Variants in GFAP observed in about 807,000 individuals in gnomAD.
GFAP encodes glial fibrillary acidic protein, also known as intermediate filament protein.
In GFAP, 38 loss-of-function variants were observed where a neutral mutation model predicts 49.3. The observed-to-expected ratio is 0.77, with a 90% CI of 0.60 to 1.01. The LOEUF (loss-of-function observed/expected upper bound fraction) is 1.01, where lower values mean the gene tolerates loss of function less well. GFAP is among the 50% of genes least tolerant of loss of function. GFAP has a pLI of 0.00. For synonymous variants in GFAP, 222 were observed against 236.4 expected, an observed-to-expected ratio of 0.94 and a Z score of 0.56; for missense variants, 463 against 579.1, an observed-to-expected ratio of 0.80 and a Z score of 2.06.
intron 4 of GFAP, among the ~76,000 whole-genome samples, 168 bp from the exon 5 acceptor site, chr17:44,911,965 G>A (rs2051783033): frequency 6.6e-6 from 1 of 152,178 alleles, no homozygotes; most frequent in South Asian, 2.1e-4. Context: ...CGGGCTGCCA[G>A]ACCTCAGCAC....
In GFAP at chr17:44,915,422, A is replaced by G; in HGVS notation, c.65T>C (p.Val22Ala). Reference protein sequence around the residue: ...RSYVSSGEMMVGGLAPGRRLG... With the variant: ...RSYVSSGEMMAGGLAPGRRLG... ...ACGGCGGCCAGGAGCCAGGCCCCCC[A>G]CCATCATCTCCCCTGAGGAGACGTA... is the stretch of plus-strand genomic sequence containing the variant. The change falls in exon 1 of 9, where the codon GTG becomes GCG. Residue 22 changes from valine to alanine, a missense_variant. By Grantham distance (64) the Val-to-Ala change is moderately conservative. This residue lies in a region of GFAP where 89 missense variants were observed against 87.5 expected (regional missense o/e 1.02). Transcript: ENST00000588735. This position sits in a 1 kb window ranked among gnomAD's most constrained non-coding sequence, Gnocchi z 4.1. 1 of 1,607,728 alleles carries G rather than the reference A, an allele frequency of 6.2e-7. No individual in the cohort carries two copies. Among genetic ancestry groups the G allele is most frequent in the Non-Finnish European group, 8.5e-7 (1 of 1,176,856 alleles).
At position 44,915,005 on chromosome 17, in the gene GFAP, C is replaced by A; in HGVS notation, c.461+21G>T. 6.3e-7 allele frequency: 1 copy of A among 1,596,030 alleles called. No individual in the cohort carries two copies. Among genetic ancestry groups the A allele is most frequent in the Non-Finnish European group, 8.5e-7 (1 of 1,171,142 alleles). On this transcript the variant is annotated intron_variant, in intron 1 of 8. Transcript: ENST00000588735. The surrounding 1 kb of genome is among the most constrained non-coding windows in gnomAD (Gnocchi z 4.1). ...CAGCCCCTTCTGCTCACAAGGCCCC[C>A]CTTCCCCATCCCCTCCTCACTTCTG...
chr17:44,911,645 TC>T (rs755168851), intron 5 of GFAP, 26 bp downstream of exon 5: 6 of 1,608,786 alleles, frequency 3.7e-6, no homozygotes, highest in East Asian at 2.2e-5. Context: ...GCTCCGCCCG[TC>T]CCCGTCCTGC....
Position 44,913,747 on chromosome 17 carries a change from A to G in GFAP, c.599T>C (p.Leu200Ser), listed in dbSNP as rs749666056. 1.1e-5 allele frequency: 17 copies of G among 1,613,722 alleles called. No homozygotes were observed. Among genetic ancestry groups the G allele is most frequent in the Admixed American group, 6.7e-5 (4 of 60,008 alleles). Reference protein sequence around the residue: ...IESLEEEIRFLRKIHEEEVRE... With the variant: ...IESLEEEIRFSRKIHEEEVRE... Reference sequence around the variant, plus strand: ...CCTCACCTCCTCGTGGATCTTCCTCAAGAACCGGATCTCCTCCTCCAGCGA... The same window carrying G: ...CCTCACCTCCTCGTGGATCTTCCTCGAGAACCGGATCTCCTCCTCCAGCGA... Residue 200 changes from leucine (L) to serine (S), a missense_variant, in exon 3 of 9, where the codon TTG becomes TCG. Leu to Ser is a moderately radical substitution (Grantham distance 145). Transcript: ENST00000588735.
Position 44,904,162 on chromosome 17 carries a change from G to C in GFAP, c.*3185C>G, listed in dbSNP as rs751230048. On this transcript the variant is annotated 3_prime_UTR_variant, in exon 9 of 9. Transcript: ENST00000588735. ...TCAGCATCCGCATGTTCAGCTTGTT[G>C]GTTTTCAGGGCTCAGTCTGAGGACT... 19 of 1,550,230 alleles carry C rather than the reference G, an allele frequency of 1.2e-5. No individual in the cohort carries two copies.
intron 6 of GFAP, 78 bp from the exon 7 acceptor site, chr17:44,910,736 T>G (rs1342318043): frequency 6.5e-7 from 1 of 1,544,196 alleles, no homozygotes; most frequent in South Asian, 1.2e-5. Context: ...GGGGCCATCA[T>G]GACAACTTGA....
intron 6 of GFAP, 91 bp from the exon 7 acceptor site, chr17:44,910,749 G>A (rs140663740): frequency 4.1e-5 from 63 of 1,528,938 alleles, no homozygotes; most frequent in Middle Eastern, 2.2e-4. Flanking sequence ...CAACTTGAAC[G>A]CCCTTTTCCT....
At position 44,903,595 on chromosome 17, in the gene GFAP, CT is replaced by C. The variant is rs1423379939; in HGVS notation, c.*3751del. 1.3e-5 allele frequency: 18 copies of C among 1,404,308 alleles called. No homozygotes were observed. The highest frequency in any genetic ancestry group is 2.6e-4 in the Middle Eastern group (1 of 3,816). The allele number at this position is 1,404,308 out of a possible 1,614,324, so 87.0% of individuals were successfully genotyped here. A position where few individuals can be genotyped will look rare whatever the true frequency, so the allele number is the denominator to read the frequency against. ...GAGTAAAGGCCAGGTTCTAGAATGG[CT>C]TTCCCCCCCCACCCTGAGATCAGGT... is the stretch of plus-strand genomic sequence containing the variant. On this transcript the variant is annotated 3_prime_UTR_variant, in exon 9 of 9. Coordinates refer to ENST00000588735, the MANE Select transcript of GFAP (RefSeq NM_002055.5).
In GFAP at chr17:44,906,460, C is replaced by G. The variant is rs2051653975; in HGVS notation, c.*887G>C. On this transcript the variant is annotated 3_prime_UTR_variant, in exon 9 of 9. Coordinates refer to ENST00000588735, the MANE Select transcript of GFAP (RefSeq NM_002055.5). The stretch of plus-strand genomic sequence containing the variant: ...CACAGCTGGGGGCCAGGCAGCCCCC[C>G]TCTATCCCTCCCAGCACCTCATCCC... 1 of 152,670 alleles carries G rather than the reference C, an allele frequency of 6.6e-6. No individual in the cohort carries two copies. Among genetic ancestry groups the G allele is most frequent in the South Asian group, 2.1e-4 (1 of 4,836 alleles). 9.5% of individuals were successfully genotyped at this position (152,670 alleles called of 1,614,324 possible). A position where few individuals can be genotyped will look rare whatever the true frequency, so the allele number is the denominator to read the frequency against.
At position 44,904,104 on chromosome 17, in the gene GFAP, A is replaced by C; in HGVS notation, c.*3243T>G. 4 of 1,550,624 alleles carry C rather than the reference A, an allele frequency of 2.6e-6. No homozygotes were observed. Among genetic ancestry groups the C allele is most frequent in the Non-Finnish European group, 3.5e-6 (4 of 1,146,988 alleles). On this transcript the variant is annotated 3_prime_UTR_variant, in exon 9 of 9. Transcript: ENST00000588735. ...GGGCGGGTGCTGACGGAGGCAGCCC[A>C]GGTACGTGTGGGCAGCGACATGCTG...
In GFAP at chr17:44,910,732, A is replaced by G. The variant is rs2051743966; in HGVS notation, c.1128-74T>C. The G allele has an allele frequency of 8.4e-6, 13 of 1,547,112 alleles. 1 individual carries two copies. The South Asian group carries it at 1.6e-4, about 19-fold the overall frequency. On this transcript the variant is annotated intron_variant, in intron 6 of 8. Transcript: ENST00000588735. The stretch of plus-strand genomic sequence containing the variant: ...CTAGGCTGGGTCTTGGTGCGGGGCC[A>G]TCATGACAACTTGAACGCCCTTTTC...
Position 44,911,738 on chromosome 17 carries a change from G to C in GFAP, c.840C>G (p.His280Gln). ...RNAELLRQAK[H>Q]EANDYRRQLQ... Reference sequence around the variant, plus strand: ...ACTGGCGCCGGTAGTCGTTGGCTTCGTGCTTGGCCTGGCGGAGCAGCTCCG... The same window carrying C: ...ACTGGCGCCGGTAGTCGTTGGCTTCCTGCTTGGCCTGGCGGAGCAGCTCCG... Residue 280 changes from histidine (H) to glutamine (Q), a missense_variant, in exon 5 of 9, where the codon CAC becomes CAG. Around this residue, in one of 3 missense-constraint regions of GFAP, gnomAD observed 362 missense variants for 445.5 expected, o/e 0.81. Transcript: ENST00000588735. The C allele has an allele frequency of 6.2e-7, 1 of 1,614,014 alleles. No individual in the cohort carries two copies. Among genetic ancestry groups the C allele is most frequent in the Non-Finnish European group, 8.5e-7 (1 of 1,180,006 alleles).
In GFAP at chr17:44,904,840, G is replaced by T. The variant is rs369506071; in HGVS notation, c.*2507C>A. 2.7e-4 allele frequency: 421 copies of T among 1,550,634 alleles called. 4 individuals are homozygous for T. The South Asian group carries it at 4.7e-3, about 17-fold the overall frequency. On this transcript the variant is annotated 3_prime_UTR_variant, in exon 9 of 9. Coordinates refer to ENST00000588735, the MANE Select transcript of GFAP (RefSeq NM_002055.5). ...AGCTCCACATCCGCTTCACCCAGCTGGATGACCGGGGCATCTACTATTGCT... is the reference window on the plus strand; with the variant it reads ...AGCTCCACATCCGCTTCACCCAGCTTGATGACCGGGGCATCTACTATTGCT...
At position 44,915,174 on chromosome 17, in the gene GFAP, G is replaced by A. The variant is rs139838162; in HGVS notation, c.313C>T (p.Arg105Trp). Reference protein sequence around the residue: ...KALAAELNQLRAKEPTKLADV... With the variant: ...KALAAELNQLWAKEPTKLADV... ...GCCAGCTTGGTGGGCTCCTTGGCCC[G>A]CAGCTGGTTCAGCTCAGCAGCCAGC... The change falls in exon 1 of 9, where the codon CGG (arginine) becomes TGG (tryptophan). Residue 105 changes from arginine to tryptophan, a missense_variant. By Grantham distance (101) the Arg-to-Trp change is moderately radical. This residue lies in a region of GFAP where 362 missense variants were observed against 445.5 expected (regional missense o/e 0.81). Coordinates refer to ENST00000588735, the MANE Select transcript of GFAP (RefSeq NM_002055.5). This position sits in a 1 kb window ranked among gnomAD's most constrained non-coding sequence, Gnocchi z 4.1. 1,995 of 1,614,196 alleles carry A rather than the reference G, an allele frequency of 1.2e-3. 1 individual carries two copies. The highest frequency in any genetic ancestry group is 5.2e-3 in the African/African-American group (391 of 75,062).
Position 44,915,006 on chromosome 17 carries a change from C to T in GFAP, c.461+20G>A. The T allele has an allele frequency of 6.3e-7, 1 of 1,598,480 alleles. No individual in the cohort carries two copies. Among genetic ancestry groups the T allele is most frequent in the Non-Finnish European group, 8.5e-7 (1 of 1,172,968 alleles). Reference sequence around the variant, plus strand: ...AGCCCCTTCTGCTCACAAGGCCCCCCTTCCCCATCCCCTCCTCACTTCTGC... The same window carrying T: ...AGCCCCTTCTGCTCACAAGGCCCCCTTTCCCCATCCCCTCCTCACTTCTGC... On this transcript the variant is annotated intron_variant, in intron 1 of 8. Transcript: ENST00000588735. The surrounding 1 kb of genome is among the most constrained non-coding windows in gnomAD (Gnocchi z 4.1).
intron 6 of GFAP, 72 bp downstream of exon 6, chr17:44,911,164 C>T: frequency 5.8e-6 from 8 of 1,384,978 alleles, no homozygotes; most frequent in South Asian, 1.2e-5. Flanking sequence ...GACTCAGTCC[C>T]TGAAGGGAGC....
chr17:44,904,333 C>T lies in GFAP; in HGVS notation c.*3014G>A. On this transcript the variant is annotated 3_prime_UTR_variant, in exon 9 of 9. Coordinates refer to ENST00000588735, the MANE Select transcript of GFAP (RefSeq NM_002055.5). ...ATGAATACTATGGGCACCTCCATGT[C>T]TTCACCACCTTCTGGGAATGGACCC... 6.5e-7 allele frequency: 1 copy of T among 1,542,136 alleles called. No individual in the cohort carries two copies. Among genetic ancestry groups the T allele is most frequent in the Non-Finnish European group, 8.8e-7 (1 of 1,142,012 alleles).
At chr17:44,908,498 G>A in intron 7 of GFAP, 1 of 184,706 alleles carries the variant, frequency 5.4e-6, no homozygotes, top group South Asian at 1.5e-4. Context: ...GGGAGGCTGA[G>A]GCAGGTGGAT....
chr17:44,911,612 C>A, intron 5 of GFAP, 60 bp downstream of exon 5: 1 of 1,598,958 alleles, frequency 6.3e-7, no homozygotes. Flanking sequence ...TCTCCCCTGG[C>A]ATCTCCTGGG....
Sources: gnomAD v4.1 joint callset for allele counts (sites outside exome capture counted in the v4.1 genomes callset) on GRCh38, gnomAD v4.1.1 for gene constraint, gnomAD v4.1.1 regional missense constraint, Gnocchi (gnomAD v3.1) non-coding constraint, MANE v1.5 for transcripts, NCBI Gene and HGNC (gene_info 2026-07-23, HGNC 2026-07-21) for gene names.